CDH10: variants seen among roughly 807,000 people sequenced by gnomAD.
CDH10 encodes cadherin 10, also known as cadherin-10.
A neutral mutation model predicts 73.1 loss-of-function variants in CDH10; 30 were observed. That is an observed-to-expected ratio of 0.41 (90% confidence interval 0.31 to 0.56). CDH10 has a LOEUF of 0.56. CDH10 is among the 20% of genes least tolerant of loss of function. The probability of loss-of-function intolerance (pLI) is 0.27; values close to 1 mark genes in which losing one functional copy is unlikely to be tolerated. For synonymous variants in CDH10, 345 were observed against 348.2 expected (o/e 0.99, Z 0.10); for missense variants, 815 against 973.7 (o/e 0.84, Z 2.17).
intron 2 of CDH10, among the ~76,000 whole-genome samples, chr5:24,573,906 AC>A (rs1186551341): frequency 2.0e-5 from 3 of 149,654 alleles, no homozygotes; most frequent in African/African-American, 7.4e-5. Flanking sequence ...TATTTTTGAG[AC>A]GGATTCTCTC....
chr5:24,634,137 T>G (rs989142944), intron 1 of CDH10, among the ~76,000 whole-genome samples: 7 of 151,824 alleles, frequency 4.6e-5, no homozygotes, highest in African/African-American at 7.2e-5. Flanking sequence ...TTTAAAGAAT[T>G]TGAAGGATTT....
At chr5:24,491,071 C>G (rs1466773014) in intron 11 of CDH10, among the ~76,000 whole-genome samples, 1 of 152,122 alleles carries the variant, frequency 6.6e-6, no homozygotes, top group Non-Finnish European at 1.5e-5. Flanking sequence ...TGTTACTACA[C>G]CACTCAAGAG....
At chr5:24,626,097 A>C (rs2112181459) in intron 1 of CDH10, among the ~76,000 whole-genome samples, 1 of 152,246 alleles carries the variant, frequency 6.6e-6, no homozygotes, top group Middle Eastern at 3.4e-3. Context: ...CAAAAAATAA[A>C]AATAACTGCA....
At chr5:24,555,008 C>T (rs1245067695) in intron 2 of CDH10, among the ~76,000 whole-genome samples, 4 of 151,978 alleles carry the variant, frequency 2.6e-5, no homozygotes, top group Non-Finnish European at 5.9e-5. Flanking sequence ...CCAGAACCTC[C>T]TTTAACATTT....
At chr5:24,561,585 A>G (rs1284093143) in intron 2 of CDH10, among the ~76,000 whole-genome samples, 1 of 152,102 alleles carries the variant, frequency 6.6e-6, no homozygotes, top group Non-Finnish European at 1.5e-5. Flanking sequence ...ATACCAACTT[A>G]CAGTCATCCC....
chr5:24,627,084 A>T lies in CDH10; in HGVS notation c.-124+17510T>A, dbSNP rs115917333. Among the ~76,000 whole-genome samples the T allele has an allele frequency of 7.9e-3, 1,208 of 151,992 alleles. 20 individuals carry two copies. Among genetic ancestry groups the T allele is most frequent in the African/African-American group, 0.027 (1,131 of 41,510 alleles). On this transcript the variant is annotated intron_variant, in intron 1 of 11. Transcript: ENST00000264463. The stretch of plus-strand genomic sequence containing the variant: ...GTATATAATTAAAAATATTCTATGC[A>T]CATTAAGTAATATCACCATATGCTT...
chr5:24,516,835 C>T (rs907065808), intron 5 of CDH10, among the ~76,000 whole-genome samples: 1 of 151,306 alleles, frequency 6.6e-6, no homozygotes, highest in South Asian at 2.1e-4. Context: ...TCCATATATG[C>T]CTGGTTGCTT....
At chr5:24,508,916 T>C (rs16893467) in intron 7 of CDH10, among the ~76,000 whole-genome samples, 7,481 of 152,080 alleles carry the variant, frequency 0.049, 346 homozygotes, top group African/African-American at 0.12. Flanking sequence ...AAACGCAGAG[T>C]TGACATAGCA....
At chr5:24,525,986 G>T (rs73067134) in intron 5 of CDH10, among the ~76,000 whole-genome samples, 9,340 of 152,042 alleles carry the variant, frequency 0.061, 575 homozygotes, top group African/African-American at 0.16. Context: ...ATAGGATTCA[G>T]CGAGGTTAAG....
rs575986520 is a variant in CDH10, at chr5:24,619,708, C to A, written c.-124+24886G>T. Among the ~76,000 whole-genome samples the A allele has an allele frequency of 2.0e-5, 3 of 152,214 alleles. No homozygotes were observed. In the South Asian group the frequency reaches 6.2e-4, roughly 32 times the overall value. On this transcript the variant is annotated intron_variant, in intron 1 of 11. Coordinates refer to ENST00000264463, the MANE Select transcript of CDH10 (RefSeq NM_006727.5). ...AAACATTCATATGTTGGAATCCTAA[C>A]CCCCAAGATAATGATATTACAAGGA...
chr5:24,593,805 A>G (rs925178669), intron 1 of CDH10, among the ~76,000 whole-genome samples, 192 bp from the exon 2 acceptor site: 3 of 151,990 alleles, frequency 2.0e-5, no homozygotes, highest in African/African-American at 7.2e-5. Flanking sequence ...ACAAAAATAT[A>G]ATTGTAAATG....
At chr5:24,550,349 C>G (rs1007499713) in intron 2 of CDH10, among the ~76,000 whole-genome samples, 4 of 152,008 alleles carry the variant, frequency 2.6e-5, no homozygotes, top group Admixed American at 6.6e-5. Flanking sequence ...CACCCACCAT[C>G]AACATCCAGG....
intron 2 of CDH10, among the ~76,000 whole-genome samples, chr5:24,549,159 C>A (rs1377456590): frequency 6.6e-6 from 1 of 151,990 alleles, no homozygotes; most frequent in African/African-American, 2.4e-5. Context: ...CTGAAAGATG[C>A]AGAAAACAAA....
At chr5:24,635,709 T>TGC (rs1747846311) in intron 1 of CDH10, among the ~76,000 whole-genome samples, 1 of 152,012 alleles carries the variant, frequency 6.6e-6, no homozygotes, top group Non-Finnish European at 1.5e-5. Flanking sequence ...TTTATGCAAC[T>TGC]GACATTTTCA....
chr5:24,610,847 C>T (rs1746919747), intron 1 of CDH10, among the ~76,000 whole-genome samples: 1 of 152,142 alleles, frequency 6.6e-6, no homozygotes, highest in African/African-American at 2.4e-5. Context: ...AACTGATGTC[C>T]TCCTAAGACT....
At chr5:24,558,369 C>T (rs528647960) in intron 2 of CDH10, among the ~76,000 whole-genome samples, 6 of 151,552 alleles carry the variant, frequency 4.0e-5, no homozygotes, top group East Asian at 3.9e-4. Flanking sequence ...CAAATATTTC[C>T]CCAGACTATA....
At chr5:24,506,088 C>T (rs1742688599) in intron 7 of CDH10, among the ~76,000 whole-genome samples, 1 of 147,298 alleles carries the variant, frequency 6.8e-6, no homozygotes, top group Admixed American at 6.9e-5. Flanking sequence ...GCACTCCAGC[C>T]TGGGCAACAC....
chr5:24,570,027 A>C (rs992716704), intron 2 of CDH10, among the ~76,000 whole-genome samples: 10 of 152,120 alleles, frequency 6.6e-5, no homozygotes, highest in African/African-American at 2.2e-4. Context: ...CAGCCTCTCA[A>C]AGTCCTGGGA....
chr5:24,566,998 C>G (rs1023268963), intron 2 of CDH10, among the ~76,000 whole-genome samples: 5 of 151,966 alleles, frequency 3.3e-5, no homozygotes, highest in African/African-American at 1.2e-4. Flanking sequence ...TATAAAATCC[C>G]AACTGCCCAA....
Sources: gnomAD v4.1 joint callset for allele counts (sites outside exome capture counted in the v4.1 genomes callset) on GRCh38, gnomAD v4.1.1 for gene constraint, MANE v1.5 for transcripts, NCBI Gene and HGNC (gene_info 2026-07-23, HGNC 2026-07-21) for gene names.